NCOA3: variants seen among roughly 807,000 people sequenced by gnomAD.
NCOA3 encodes nuclear receptor coactivator 3.
Under a neutral mutation model 158.8 loss-of-function variants are expected in NCOA3, and 51 were observed. That is an observed-to-expected ratio of 0.32 (90% confidence interval 0.26 to 0.41). NCOA3 has a LOEUF of 0.41. Among genes scored for constraint, NCOA3 ranks in the 10% least tolerant of loss-of-function variants. The pLI, the probability that NCOA3 is intolerant of heterozygous loss-of-function variation, is 1.00. For missense variants in NCOA3, 1,510 were observed against 1,746.6 expected (o/e 0.86, Z 2.41); for synonymous variants, 537 against 592.4 (o/e 0.91, Z 1.36).
At chr20:47,626,248 A>G (rs2086319828) in intron 5 of NCOA3, among the ~76,000 whole-genome samples, 2 of 152,210 alleles carry the variant, frequency 1.3e-5, no homozygotes, top group African/African-American at 2.4e-5. Context: ...TGTTTCAGGT[A>G]GTTTGTTCCA....
intron 4 of NCOA3, among the ~76,000 whole-genome samples, chr20:47,624,551 TG>T (rs2086291950): frequency 6.6e-6 from 1 of 152,186 alleles, no homozygotes; most frequent in South Asian, 2.1e-4. Context: ...GATGAAACTT[TG>T]CTCACTTGCC....
Position 47,537,642 on chromosome 20 carries a change from C to G in NCOA3, c.-99+35623C>G, listed in dbSNP as rs147465911. 8.0e-5 allele frequency among the ~76,000 whole-genome samples: 12 copies of G among 150,596 alleles called. No homozygotes were observed. In the South Asian group the frequency reaches 1.3e-3, roughly 16 times the overall value. ...CGCCCAAGCTGGAGTGCAGGTGGCA[C>G]GATCTCAGCTCACTGGAACCTCTGC... On this transcript the variant is annotated intron_variant, in intron 1 of 22. Transcript: ENST00000371998.
intron 1 of NCOA3, among the ~76,000 whole-genome samples, chr20:47,550,789 G>T (rs6012207): frequency 0.11 from 16,911 of 152,190 alleles, 1,186 homozygotes; most frequent in Middle Eastern, 0.18. Context: ...GTGCATGTCA[G>T]TGGTGGGAGA....
At chr20:47,637,605 T>C (rs1321883625) in intron 12 of NCOA3, 43 bp from the exon 13 acceptor site, 12 of 1,502,794 alleles carry the variant, frequency 8.0e-6, no homozygotes, top group Non-Finnish European at 9.9e-6. Context: ...TACCTGTGTG[T>C]CTGGTAATGT....
chr20:47,612,206 T>C (rs1275171406), intron 2 of NCOA3, among the ~76,000 whole-genome samples: 1 of 151,892 alleles, frequency 6.6e-6, no homozygotes, highest in Non-Finnish European at 1.5e-5. Flanking sequence ...AAAGTACAGC[T>C]GATGGGAAAG....
chr20:47,637,754 A>G lies in NCOA3; in HGVS notation c.2483A>G (p.Gln828Arg). Residue 828 changes from glutamine (Q) to arginine (R), a missense_variant, in exon 13 of 23, where the codon CAA (glutamine) becomes CGA (arginine). Transcript: ENST00000371998. ...AATGGTAGTCATCTGGGGACTAAGC[A>G]ACAGGTGTTTCAAGGAACTAATTCT... ...SSNGSHLGTK[Q>R]QVFQGTNSLG... The G allele has an allele frequency of 6.2e-7, 1 of 1,609,708 alleles. No individual in the cohort carries two copies. The highest frequency in any genetic ancestry group is 8.5e-7 in the Non-Finnish European group (1 of 1,178,604).
intron 1 of NCOA3, among the ~76,000 whole-genome samples, chr20:47,533,313 A>AT (rs3091773): frequency 0.1 from 13,628 of 132,038 alleles, 1,675 homozygotes; most frequent in African/African-American, 0.3. Context: ...AAGATCATTG[A>AT]TTTTTTTTTT....
chr20:47,593,146 T>C (rs2085676506), intron 2 of NCOA3, among the ~76,000 whole-genome samples: 1 of 152,088 alleles, frequency 6.6e-6, no homozygotes, highest in Non-Finnish European at 1.5e-5. Flanking sequence ...TTGGCCAGGC[T>C]GGTCTTGACC....
In NCOA3 at chr20:47,622,306, T is replaced by G. The variant is rs766335386; in HGVS notation, c.59T>G (p.Leu20Trp). 4.4e-6 allele frequency: 7 copies of G among 1,606,602 alleles called. No homozygotes were observed. Among genetic ancestry groups the G allele is most frequent in the Non-Finnish European group, 5.9e-6 (7 of 1,176,872 alleles). Residue 20 changes from leucine to tryptophan, a missense_variant, in exon 3 of 23, where the codon TTG (leucine) becomes TGG (tryptophan). This residue lies in a region of NCOA3 where 309 missense variants were observed against 427.1 expected (regional missense o/e 0.72). Coordinates refer to ENST00000371998, the MANE Select transcript of NCOA3 (RefSeq NM_181659.3). Reference sequence around the variant, plus strand: ...GCCAGTGATTCACGAAAACGCAAATTGCCATGTGATACTCCAGGACAAGGG... The same window carrying G: ...GCCAGTGATTCACGAAAACGCAAATGGCCATGTGATACTCCAGGACAAGGG... Reference protein sequence around the residue: ...PLASDSRKRKLPCDTPGQGLT... With the variant: ...PLASDSRKRKWPCDTPGQGLT...
rs6012201 is a variant in NCOA3, at chr20:47,531,467, A to T, written c.-99+29448A>T. ...AAGTGATGAAACAGATGTATTACAG[A>T]TATCTTTCTGTGTTTTTACACTTGC... On this transcript the variant is annotated intron_variant, in intron 1 of 22. Transcript: ENST00000371998. Among the ~76,000 whole-genome samples the T allele has an allele frequency of 7.3e-3, 1,107 of 152,348 alleles. 22 individuals carry two copies. Among genetic ancestry groups the T allele is most frequent in the African/African-American group, 0.025 (1,049 of 41,580 alleles).
chr20:47,546,146 T>A (rs2084824136), intron 1 of NCOA3, among the ~76,000 whole-genome samples: 1 of 152,210 alleles, frequency 6.6e-6, no homozygotes, highest in Non-Finnish European at 1.5e-5. Flanking sequence ...ATCTCATCAT[T>A]TTCCCTGTAA....
intron 5 of NCOA3, among the ~76,000 whole-genome samples, chr20:47,625,863 A>C (rs1214670370): frequency 1.3e-5 from 2 of 152,228 alleles, no homozygotes; most frequent in Non-Finnish European, 2.9e-5. Context: ...AAATAATGTT[A>C]AAACAATAAA....
rs1176443005 is a variant in NCOA3, at chr20:47,649,112, G to A, written c.3651+3G>A. On this transcript the variant is annotated splice_donor_region_variant and intron_variant, in intron 19 of 22. Transcript: ENST00000371998. ...TGCAGCCCCAGGTGAGCTCCCAGGT[G>A]AGGATGATAAGCCTCTCCACATGCA... is the stretch of plus-strand genomic sequence containing the variant. 1 of 1,606,970 alleles carries A rather than the reference G, an allele frequency of 6.2e-7. No homozygotes were observed. Among genetic ancestry groups the A allele is most frequent in the African/African-American group, 1.3e-5 (1 of 74,882 alleles).
rs533032421 is a variant in NCOA3, at chr20:47,599,036, C to T, written c.-20+15775C>T. 3.3e-5 allele frequency among the ~76,000 whole-genome samples: 5 copies of T among 152,250 alleles called. No individual in the cohort carries two copies. In the East Asian group the frequency reaches 5.8e-4, roughly 18 times the overall value. On this transcript the variant is annotated intron_variant, in intron 2 of 22. Coordinates refer to ENST00000371998, the MANE Select transcript of NCOA3 (RefSeq NM_181659.3). ...ATGCAGTATAGGTATAGGTTTGTTG[C>T]GTAGGAGCTGTAGGCTATACCATAT...
chr20:47,511,430 T>G (rs1215053282), intron 1 of NCOA3, among the ~76,000 whole-genome samples: 1 of 140,010 alleles, frequency 7.1e-6, no homozygotes, highest in Non-Finnish European at 1.5e-5. Flanking sequence ...TTTTTTTTTT[T>G]TTGAGACAGA....
chr20:47,590,849 C>A (rs1353301125), intron 2 of NCOA3, among the ~76,000 whole-genome samples: 1 of 151,916 alleles, frequency 6.6e-6, no homozygotes, highest in Non-Finnish European at 1.5e-5. Flanking sequence ...GTGGCTCATA[C>A]CTGTAGTCCC....
At chr20:47,636,808 G>A (rs773590274) in intron 12 of NCOA3, 46 bp downstream of exon 12, 13 of 1,493,240 alleles carry the variant, frequency 8.7e-6, no homozygotes, top group East Asian at 6.9e-5. Flanking sequence ...ATCATTTTTC[G>A]GTGTTAGATA....
chr20:47,549,554 C>G (rs1477198334), intron 1 of NCOA3, among the ~76,000 whole-genome samples: 1 of 125,820 alleles, frequency 7.9e-6, no homozygotes, highest in Non-Finnish European at 1.6e-5. Context: ...AGCGAAGACT[C>G]TGTCTCAAAA....
chr20:47,518,824 C>T (rs1346770163), intron 1 of NCOA3, among the ~76,000 whole-genome samples: 4 of 152,100 alleles, frequency 2.6e-5, no homozygotes, highest in Non-Finnish European at 5.9e-5. Flanking sequence ...GACTCACATG[C>T]ACACGAACAA....
Sources: gnomAD v4.1 joint callset for allele counts (sites outside exome capture counted in the v4.1 genomes callset) on GRCh38, gnomAD v4.1.1 for gene constraint, gnomAD v4.1.1 regional missense constraint, MANE v1.5 for transcripts, NCBI Gene and HGNC (gene_info 2026-07-23, HGNC 2026-07-21) for gene names.